The following PPEF1 variants were observed in gnomAD, a reference collection of about 807,000 sequenced individuals.
PPEF1 encodes serine/threonine-protein phosphatase with EF-hands 1.
Under a neutral mutation model 53.3 loss-of-function variants are expected in PPEF1, and 12 were observed. The observed-to-expected ratio is 0.23, with a 90% CI of 0.14 to 0.36. The LOEUF is 0.36. Ranked by LOEUF, PPEF1 falls within the 10% of genes least tolerant of loss-of-function variation. The pLI is 1.00. For missense variants in PPEF1, 334 were observed against 490.4 expected (o/e 0.68, Z 3.01); for synonymous variants, 165 against 176.7 (o/e 0.93, Z 0.52).
chrX:18,800,249 T>C (rs1001386089), intron 10 of PPEF1, among the ~76,000 whole-genome samples: 1 of 111,383 alleles, frequency 9.0e-6, no homozygotes, highest in Non-Finnish European at 1.9e-5. Context: ...ATTTCAATTA[T>C]TGTATATGGC....
At chrX:18,744,953 A>G (rs1410949500) in intron 3 of PPEF1, among the ~76,000 whole-genome samples, 39 of 104,940 alleles carry the variant, frequency 3.7e-4, no homozygotes, top group African/African-American at 1.3e-3. Flanking sequence ...AAGGTTATTC[A>G]TCTCATTGGT....
At chrX:18,822,180 G>A (rs1041432413) in intron 13 of PPEF1, among the ~76,000 whole-genome samples, 1 of 111,776 alleles carries the variant, frequency 8.9e-6, no homozygotes, top group Non-Finnish European at 1.9e-5. Context: ...CATGCTAACC[G>A]TGCGGTGCTG....
intron 13 of PPEF1, among the ~76,000 whole-genome samples, chrX:18,819,529 A>C (rs1223815429): frequency 9.7e-6 from 1 of 102,812 alleles, no homozygotes; most frequent in East Asian, 2.9e-4. Flanking sequence ...CTAAAAATAC[A>C]AAAAAAAACA....
intron 1 of PPEF1, among the ~76,000 whole-genome samples, chrX:18,729,348 C>T (rs1260310426): frequency 4.5e-5 from 5 of 112,079 alleles, no homozygotes; most frequent in Non-Finnish European, 9.4e-5. Context: ...ATTCCCTTCT[C>T]TTCATGTACC....
chrX:18,768,028 A>T (rs746249111), intron 6 of PPEF1, among the ~76,000 whole-genome samples: 1 of 112,046 alleles, frequency 8.9e-6, no homozygotes, highest in South Asian at 3.7e-4. Context: ...TTGAATCCCA[A>T]TTATATGTCA....
chrX:18,728,933 C>T (rs1311587645), intron 1 of PPEF1, among the ~76,000 whole-genome samples: 1 of 111,834 alleles, frequency 8.9e-6, no homozygotes, highest in Non-Finnish European at 1.9e-5. Context: ...GTTGATTGCT[C>T]TTCACTCTAA....
intron 7 of PPEF1, among the ~76,000 whole-genome samples, chrX:18,780,928 C>T (rs900297236): frequency 9.1e-6 from 1 of 109,407 alleles, no homozygotes; most frequent in African/African-American, 3.3e-5. Context: ...TAGTGGCGGG[C>T]GCCTGTAGTC....
intron 6 of PPEF1, among the ~76,000 whole-genome samples, chrX:18,774,862 G>T (rs2283718): frequency 0.49 from 54,463 of 110,524 alleles, 9,940 homozygotes; most frequent in Non-Finnish European, 0.54. Context: ...CTCTGGCCTC[G>T]TCTAATCTTT....
intron 7 of PPEF1, among the ~76,000 whole-genome samples, chrX:18,779,437 C>T (rs2046038738): frequency 9.0e-6 from 1 of 111,158 alleles, no homozygotes; most frequent in Non-Finnish European, 1.9e-5. Flanking sequence ...GCTCCCATGC[C>T]CGACCTTCAC....
chrX:18,817,219 G>A (rs766104755), intron 12 of PPEF1, among the ~76,000 whole-genome samples: 1 of 110,720 alleles, frequency 9.0e-6, no homozygotes, highest in South Asian at 3.9e-4. Flanking sequence ...ATGGTCTGAG[G>A]TAGAGGTTGA....
At chrX:18,692,248 T>G (rs1322276885) in intron 4 of PPEF1, among the ~76,000 whole-genome samples, 2 of 111,931 alleles carry the variant, frequency 1.8e-5, no homozygotes, top group Non-Finnish European at 3.8e-5. Context: ...TCACGATTTT[T>G]CTCCACCATA....
chrX:18,725,549 G>A (rs1254864310), intron 1 of PPEF1, among the ~76,000 whole-genome samples: 1 of 111,775 alleles, frequency 8.9e-6, no homozygotes, highest in African/African-American at 3.3e-5. Flanking sequence ...CCTCCCTCCA[G>A]CCTTGCAGTC....
intron 10 of PPEF1, among the ~76,000 whole-genome samples, chrX:18,791,826 G>A (rs1040798297): frequency 1.9e-4 from 21 of 112,143 alleles, no homozygotes. Flanking sequence ...TTTGTTTGTA[G>A]TGGCCTTTTA....
rs186428978 is a variant in PPEF1 at position 18,792,658 on chromosome X, C to T, written c.1065+3385C>T. On this transcript the variant is annotated intron_variant, in intron 10 of 15. Coordinates refer to ENST00000470157, the MANE Select transcript of PPEF1 (RefSeq NM_001377996.1). ...ATTTTTCTCTATTGTTGTCTATTCT[C>T]TATTTCATTTATTTCTGCACTAATT... Among the ~76,000 whole-genome samples the T allele has an allele frequency of 3.5e-3, 388 of 111,569 alleles. 3 individuals are homozygous for T. Among genetic ancestry groups the T allele is most frequent in the African/African-American group, 0.012 (375 of 30,756 alleles).
At chrX:18,737,156 C>T (rs890344969) in intron 3 of PPEF1, among the ~76,000 whole-genome samples, 10 of 111,217 alleles carry the variant, frequency 9.0e-5, no homozygotes, top group African/African-American at 1.3e-4. Context: ...AGTTATTTCT[C>T]GCCTTCTGCT....
At position 18,757,692 on chromosome X, in the gene PPEF1, G is replaced by A. The variant is rs143899775; in HGVS notation, c.462G>A (p.Pro154=). Residue 154 remains proline, a synonymous_variant, in exon 5 of 16, where the codon CCG becomes CCA. Coordinates refer to ENST00000470157, the MANE Select transcript of PPEF1 (RefSeq NM_001377996.1). ...FETKKVLKQM[P]NFTHIQTSPS... is the part of the protein sequence containing the mutation. ...CCAAGAAAGTCCTGAAGCAAATGCC[G>A]AATTTCACTCACATACAAACTTCTC... is the stretch of plus-strand genomic sequence containing the variant. 88 of 1,209,146 alleles carry A rather than the reference G, an allele frequency of 7.3e-5. 2 individuals carry two copies. In the African/African-American group the frequency reaches 1.2e-3, roughly 16 times the overall value.
chrX:18,754,564 A>G (rs1368800000), intron 4 of PPEF1, among the ~76,000 whole-genome samples: 1 of 99,206 alleles, frequency 1.0e-5, no homozygotes, highest in Non-Finnish European at 2.1e-5. Flanking sequence ...TCTCTGGAAG[A>G]CAATAGGCCT....
At chrX:18,697,691 G>C (rs573651782) in intron 4 of PPEF1, among the ~76,000 whole-genome samples, 1 of 111,369 alleles carries the variant, frequency 9.0e-6, no homozygotes, top group African/African-American at 3.3e-5. Flanking sequence ...TAAGAACCTA[G>C]TATGTATATT....
Position 18,742,421 on chromosome X carries a change from T to C in PPEF1, c.236-7371T>C, listed in dbSNP as rs116053184. Among the ~76,000 whole-genome samples the C allele has an allele frequency of 4.5e-3, 503 of 112,072 alleles. 3 individuals carry two copies. Among genetic ancestry groups the C allele is most frequent in the African/African-American group, 0.016 (486 of 30,879 alleles). On this transcript the variant is annotated intron_variant, in intron 3 of 15. Transcript: ENST00000470157. ...ATGTTATTGCATGTAATTCTGTGGG[T>C]CAGGCATTTGAACAGGGCTTGCTGG...
Sources: gnomAD v4.1 joint callset for allele counts (sites outside exome capture counted in the v4.1 genomes callset) on GRCh38, gnomAD v4.1.1 for gene constraint, MANE v1.5 for transcripts, NCBI Gene and HGNC (gene_info 2026-07-23, HGNC 2026-07-21) for gene names.